The following TDRD5 variants were observed in gnomAD, a reference collection of about 807,000 sequenced individuals.
TDRD5 encodes the protein tudor domain containing 5, also known as tudor domain-containing protein 5.
Under a neutral mutation model 120.6 loss-of-function variants are expected in TDRD5, and 41 were observed. That is an observed-to-expected ratio of 0.34 (90% CI 0.26 to 0.44). The LOEUF (loss-of-function observed/expected upper bound fraction) is 0.44, where lower values mean the gene tolerates loss of function less well. Ranked by LOEUF, TDRD5 falls within the 20% of genes least tolerant of loss-of-function variation. TDRD5 has a pLI of 1.00. For synonymous variants in TDRD5, 430 were observed against 433.7 expected, an observed-to-expected ratio of 0.99 and a Z score of 0.11; for missense variants, 1,006 against 1,221.2, an observed-to-expected ratio of 0.82 and a Z score of 2.63.
intron 1 of TDRD5, 160 bp from the exon 2 acceptor site, chr1:179,592,442 G>A: frequency 3.4e-6 from 2 of 588,104 alleles, no homozygotes. Flanking sequence ...GGCTTGAATC[G>A]CCCGGCCACG....
chr1:179,657,642 G>A (rs1359687821), intron 14 of TDRD5, among the ~76,000 whole-genome samples: 2 of 151,930 alleles, frequency 1.3e-5, no homozygotes, highest in Non-Finnish European at 2.9e-5. Context: ...TATATTGCCC[G>A]CTTTGCTGTT....
chr1:179,597,952 T>C (rs1675494013), intron 4 of TDRD5, among the ~76,000 whole-genome samples: 1 of 152,248 alleles, frequency 6.6e-6, no homozygotes, highest in South Asian at 2.1e-4. Context: ...ATCTTTGTCA[T>C]ATATAGTCCT....
chr1:179,673,653 G>T (rs1196368683), intron 17 of TDRD5, among the ~76,000 whole-genome samples: 1 of 152,120 alleles, frequency 6.6e-6, no homozygotes, highest in Non-Finnish European at 1.5e-5. Context: ...TTCACAAATG[G>T]TTACATTCTT....
At chr1:179,624,917 T>A (rs1677037087) in intron 6 of TDRD5, among the ~76,000 whole-genome samples, 1 of 152,034 alleles carries the variant, frequency 6.6e-6, no homozygotes, top group Non-Finnish European at 1.5e-5. Context: ...GCATAGGAGA[T>A]CCACCCATAT....
intron 17 of TDRD5, among the ~76,000 whole-genome samples, chr1:179,677,922 C>T (rs996750189): frequency 6.6e-6 from 1 of 152,130 alleles, no homozygotes; most frequent in African/African-American, 2.4e-5. Flanking sequence ...TGGTTAAGTA[C>T]TCAGGTTTCT....
intron 14 of TDRD5, among the ~76,000 whole-genome samples, chr1:179,661,890 TG>T (rs1249681135): frequency 6.6e-6 from 1 of 152,208 alleles, no homozygotes; most frequent in Non-Finnish European, 1.5e-5. Context: ...AGAAAGTAGA[TG>T]GTGCTTTCTC....
intron 16 of TDRD5, among the ~76,000 whole-genome samples, chr1:179,668,365 G>A (rs1261123294): frequency 1.3e-5 from 2 of 152,116 alleles, no homozygotes; most frequent in Non-Finnish European, 2.9e-5. Flanking sequence ...ACTGGGAGGT[G>A]GTGTGGTAGA....
intron 4 of TDRD5, among the ~76,000 whole-genome samples, chr1:179,613,490 G>A (rs531920409): frequency 2.6e-5 from 4 of 152,234 alleles, no homozygotes; most frequent in Admixed American, 6.5e-5. Context: ...ACAAGCTACC[G>A]CAAACTGGGT....
chr1:179,647,946 A>C (rs1388292609), intron 11 of TDRD5, among the ~76,000 whole-genome samples: 4 of 151,844 alleles, frequency 2.6e-5, no homozygotes, highest in South Asian at 4.2e-4. Flanking sequence ...GTCAGGAAAC[A>C]ACAGGTGCTG....
intron 17 of TDRD5, among the ~76,000 whole-genome samples, chr1:179,681,814 T>C (rs1194384548): frequency 6.7e-6 from 1 of 150,146 alleles, no homozygotes; most frequent in Admixed American, 6.7e-5. Flanking sequence ...GATGTTGTTC[T>C]GTTGCTCACT....
At position 179,652,039 on chromosome 1, in the gene TDRD5, G is replaced by A. The variant is rs772864851; in HGVS notation, c.2002G>A (p.Gly668Ser). Reference sequence around the variant, plus strand: ...ATCCCTTTTCTTTTTTTAATCTTAGGGTTTCAGTGAGCTCAACCCTTTAGC... The same window carrying A: ...ATCCCTTTTCTTTTTTTAATCTTAGAGTTTCAGTGAGCTCAACCCTTTAGC... ...IVCRENISSK[G>S]FSELNPLALY... The change falls in exon 13 of 18, where the codon GGT becomes AGT. Residue 668 changes from glycine to serine, a missense_variant and splice_region_variant. Physicochemically the swap from Gly to Ser is moderately conservative, Grantham distance 56 (BLOSUM62 0). This residue lies in a region of TDRD5 where 403 missense variants were observed against 448.1 expected (regional missense o/e 0.90). Transcript: ENST00000444136. 4 of 1,608,762 alleles carry A rather than the reference G, an allele frequency of 2.5e-6. No homozygotes were observed. The highest frequency in any genetic ancestry group is 3.4e-6 in the Non-Finnish European group (4 of 1,178,582).
chr1:179,643,415 G>T (rs554921855), intron 11 of TDRD5, among the ~76,000 whole-genome samples: 16 of 152,184 alleles, frequency 1.1e-4, no homozygotes, highest in Non-Finnish European at 2.2e-4. Flanking sequence ...ATTGGAGTTA[G>T]CAGACAAAGA....
chr1:179,647,020 A>T (rs1366952477), intron 11 of TDRD5, among the ~76,000 whole-genome samples: 6 of 150,432 alleles, frequency 4.0e-5, no homozygotes, highest in Non-Finnish European at 7.4e-5. Flanking sequence ...AAATGGCCAT[A>T]CTGCCCAAGG....
At chr1:179,680,361 T>G (rs55874812) in intron 17 of TDRD5, among the ~76,000 whole-genome samples, 54,217 of 151,998 alleles carry the variant, frequency 0.36, 9,728 homozygotes, top group Admixed American at 0.43. Flanking sequence ...TTTTCTAATT[T>G]TTCAATCAAT....
At chr1:179,677,927 G>T (rs960378240) in intron 17 of TDRD5, among the ~76,000 whole-genome samples, 1 of 152,184 alleles carries the variant, frequency 6.6e-6, no homozygotes, top group Non-Finnish European at 1.5e-5. Flanking sequence ...AAGTACTCAG[G>T]TTTCTCAGGC....
chr1:179,655,249 CCA>C (rs1253881320), intron 14 of TDRD5, among the ~76,000 whole-genome samples: 1 of 152,160 alleles, frequency 6.6e-6, no homozygotes, highest in Non-Finnish European at 1.5e-5. Flanking sequence ...CTTACCACCA[CCA>C]CACACAAACA....
intron 9 of TDRD5, 101 bp downstream of exon 9, chr1:179,635,988 G>A (rs1467491227): frequency 9.7e-7 from 1 of 1,031,098 alleles, no homozygotes; most frequent in African/African-American, 1.7e-5. Context: ...AGACCCAAGA[G>A]AGCTTTTTTT....
chr1:179,645,970 G>C (rs1279286763), intron 11 of TDRD5, among the ~76,000 whole-genome samples: 1 of 152,022 alleles, frequency 6.6e-6, no homozygotes, highest in East Asian at 1.9e-4. Flanking sequence ...ATTTAGATAT[G>C]TCTTTTATGA....
At chr1:179,682,325 A>T (rs536911931) in intron 17 of TDRD5, among the ~76,000 whole-genome samples, 4 of 152,040 alleles carry the variant, frequency 2.6e-5, no homozygotes, top group Non-Finnish European at 5.9e-5. Flanking sequence ...TACACGTGCC[A>T]TGGTGGTTTA....
Sources: gnomAD v4.1 joint callset for allele counts (sites outside exome capture counted in the v4.1 genomes callset) on GRCh38, gnomAD v4.1.1 for gene constraint, gnomAD v4.1.1 regional missense constraint, MANE v1.5 for transcripts, NCBI Gene and HGNC (gene_info 2026-07-23, HGNC 2026-07-21) for gene names.